ROCK1: variants seen among roughly 807,000 people sequenced by gnomAD.
The protein encoded by ROCK1 is Rho associated coiled-coil containing protein kinase 1, also known as rho-associated protein kinase 1.
ROCK1 carries 36 observed loss-of-function variants against 196.8 expected under a neutral mutation model. The ratio of observed to expected loss-of-function variants is 0.18; its 90% CI spans 0.14 to 0.24. The LOEUF (loss-of-function observed/expected upper bound fraction) is 0.24. Among genes scored for constraint, ROCK1 ranks in the 10% least tolerant of loss-of-function variants. The pLI, the probability that ROCK1 is intolerant of heterozygous loss-of-function variation, is 1.00. For synonymous variants in ROCK1, 443 were observed against 515.9 expected (o/e 0.86, Z 1.91); for missense variants, 920 against 1,562.0 (o/e 0.59, Z 6.93).
At chr18:21,087,453 A>G (rs772323914) in intron 1 of ROCK1, among the ~76,000 whole-genome samples, 3 of 152,202 alleles carry the variant, frequency 2.0e-5, no homozygotes, top group Non-Finnish European at 2.9e-5. Context: ...GCAACAATAC[A>G]GGTAGGTTGG....
chr18:21,036,215 G>A (rs1385540685), intron 9 of ROCK1, among the ~76,000 whole-genome samples: 1 of 152,182 alleles, frequency 6.6e-6, no homozygotes, highest in African/African-American at 2.4e-5. Flanking sequence ...TCTCCCGTGA[G>A]AATGTAAAAT....
At chr18:21,054,213 T>TA (rs1295253871) in intron 2 of ROCK1, among the ~76,000 whole-genome samples, 55 of 152,344 alleles carry the variant, frequency 3.6e-4, no homozygotes, top group African/African-American at 1.2e-3. Context: ...TGATGGGCTT[T>TA]AAAAACCATC....
intron 13 of ROCK1, among the ~76,000 whole-genome samples, chr18:21,009,504 G>C (rs1235051909): frequency 1.3e-5 from 2 of 151,996 alleles, no homozygotes; most frequent in Non-Finnish European, 2.9e-5. Context: ...AAATAGAGCT[G>C]TTATAAACAT....
intron 11 of ROCK1, among the ~76,000 whole-genome samples, chr18:21,022,182 G>A (rs2035919034): frequency 6.6e-6 from 1 of 151,984 alleles, no homozygotes; most frequent in Non-Finnish European, 1.5e-5. Flanking sequence ...GGCTATAGTA[G>A]ACAAAAAGTT....
At chr18:21,035,256 CAT>C (rs1272406106) in intron 9 of ROCK1, among the ~76,000 whole-genome samples, 1 of 152,180 alleles carries the variant, frequency 6.6e-6, no homozygotes, top group Non-Finnish European at 1.5e-5. Flanking sequence ...AAAAATTAAA[CAT>C]ATGGCTGAGC....
At chr18:21,070,486 G>T in intron 2 of ROCK1, 46 bp downstream of exon 2, 3 of 981,364 alleles carry the variant, frequency 3.1e-6, no homozygotes, top group Non-Finnish European at 4.7e-6. Context: ...AAGTGAAAAT[G>T]TAGTTATATG....
At chr18:20,980,286 C>A (rs1015787135) in intron 21 of ROCK1, among the ~76,000 whole-genome samples, 1 of 151,582 alleles carries the variant, frequency 6.6e-6, no homozygotes, top group African/African-American at 2.4e-5. Context: ...TATTACTCAG[C>A]AATAAAAAGG....
intron 31 of ROCK1, among the ~76,000 whole-genome samples, chr18:20,954,582 A>G (rs1278190855): frequency 6.6e-6 from 1 of 152,296 alleles, no homozygotes; most frequent in Non-Finnish European, 1.5e-5. Context: ...CATCTCAATC[A>G]ATCAGTCAAT....
At position 20,987,247 on chromosome 18, in the gene ROCK1, G is replaced by C. The variant is rs1340561056; in HGVS notation, c.2144-137C>G. 1.9e-5 allele frequency: 13 copies of C among 691,700 alleles called. No individual in the cohort carries two copies. The Admixed American group carries it at 2.5e-4, about 13-fold the overall frequency. 42.8% of individuals were successfully genotyped at this position (691,700 alleles called of 1,614,324 possible). On this transcript the variant is annotated intron_variant, in intron 18 of 32. Transcript: ENST00000399799. ...GACTTGAATAGAGCTAGTAATTATA[G>C]AAATTCTCACATTATGTAAACTATT... is the stretch of plus-strand genomic sequence containing the variant.
intron 1 of ROCK1, among the ~76,000 whole-genome samples, chr18:21,089,461 C>T (rs757112243): frequency 4.6e-5 from 7 of 152,188 alleles, no homozygotes; most frequent in Non-Finnish European, 8.8e-5. Flanking sequence ...CTCATATCTG[C>T]GCCTGCATTC....
At chr18:21,033,432 G>A (rs184638850) in intron 9 of ROCK1, among the ~76,000 whole-genome samples, 2 of 152,150 alleles carry the variant, frequency 1.3e-5, no homozygotes, top group Non-Finnish European at 2.9e-5. Context: ...CAGACAAGGT[G>A]CCCACTTCTA....
At chr18:21,023,429 ATAT>A (rs2035930730) in intron 11 of ROCK1, among the ~76,000 whole-genome samples, 188 bp downstream of exon 11, 1 of 152,162 alleles carries the variant, frequency 6.6e-6, no homozygotes, top group African/African-American at 2.4e-5. Flanking sequence ...GCCTCCAAAT[ATAT>A]TATTCCATTT....
chr18:21,095,225 T>C (rs1442601375), intron 1 of ROCK1, among the ~76,000 whole-genome samples: 1 of 151,752 alleles, frequency 6.6e-6, no homozygotes. Context: ...CAACTGAGGA[T>C]GTGGAGAAAC....
intron 11 of ROCK1, among the ~76,000 whole-genome samples, chr18:21,022,001 T>C (rs1200759683): frequency 6.6e-6 from 1 of 152,152 alleles, no homozygotes; most frequent in African/African-American, 2.4e-5. Flanking sequence ...CCTTCACCTT[T>C]TTCTCATTTT....
chr18:21,081,459 G>C (rs2036482217), intron 1 of ROCK1, among the ~76,000 whole-genome samples: 1 of 151,768 alleles, frequency 6.6e-6, no homozygotes, highest in Non-Finnish European at 1.5e-5. Flanking sequence ...ATACTATAAG[G>C]AACTAGAAAA....
intron 29 of ROCK1, among the ~76,000 whole-genome samples, chr18:20,956,732 A>C (rs1411664152): frequency 6.6e-6 from 1 of 152,136 alleles, no homozygotes; most frequent in East Asian, 1.9e-4. Context: ...CCATTAACAA[A>C]ATCAACAGGT....
intron 3 of ROCK1, among the ~76,000 whole-genome samples, 156 bp downstream of exon 3, chr18:21,049,624 T>C (rs1268082393): frequency 6.6e-6 from 1 of 152,240 alleles, no homozygotes; most frequent in East Asian, 1.9e-4. Flanking sequence ...TGGCTAGATT[T>C]GACACTAGGC....
chr18:20,975,610 T>G (rs1053530374), intron 22 of ROCK1, among the ~76,000 whole-genome samples: 1 of 152,146 alleles, frequency 6.6e-6, no homozygotes, highest in Non-Finnish European at 1.5e-5. Flanking sequence ...AATTTAATTT[T>G]TATTTATTTA....
chr18:21,021,320 A>G (rs1178425157), intron 11 of ROCK1, among the ~76,000 whole-genome samples: 1 of 152,216 alleles, frequency 6.6e-6, no homozygotes, highest in Non-Finnish European at 1.5e-5. Flanking sequence ...CTGGACATGA[A>G]TGAGATTACC....
Sources: gnomAD v4.1 joint callset for allele counts (sites outside exome capture counted in the v4.1 genomes callset) on GRCh38, gnomAD v4.1.1 for gene constraint, MANE v1.5 for transcripts, NCBI Gene and HGNC (gene_info 2026-07-23, HGNC 2026-07-21) for gene names.